The following ARHGAP29 variants were observed in gnomAD, a reference collection of about 807,000 sequenced individuals.
The protein encoded by ARHGAP29 is Rho GTPase activating protein 29.
Under a neutral mutation model 122.6 loss-of-function variants are expected in ARHGAP29, and 43 were observed. That is an observed-to-expected ratio of 0.35 (90% CI 0.27 to 0.45). The LOEUF is 0.45. Among genes scored for constraint, ARHGAP29 ranks in the 20% least tolerant of loss-of-function variants. The pLI is 1.00. For missense variants in ARHGAP29, 1,303 were observed against 1,477.2 expected, an observed-to-expected ratio of 0.88 and a Z score of 1.93; for synonymous variants, 506 against 497.1, an observed-to-expected ratio of 1.02 and a Z score of -0.24.
At position 94,172,395 on chromosome 1, in the gene ARHGAP29, C is replaced by T. The variant is rs981320203; in HGVS notation, c.*1474G>A. On this transcript the variant is annotated 3_prime_UTR_variant, in exon 23 of 23. Coordinates refer to ENST00000260526, the MANE Select transcript of ARHGAP29 (RefSeq NM_004815.4). ...TTGTACAATGAGGACTAAAAACAAG[C>T]CTTCAGAAAAAAAAGGGCTGGTTAT... is the stretch of plus-strand genomic sequence containing the variant. The T allele has an allele frequency of 6.6e-6, 1 of 151,890 alleles. No homozygotes were observed. The highest frequency in any genetic ancestry group is 1.9e-4 in the East Asian group (1 of 5,180). The allele number at this position is 151,890 out of a possible 1,614,324, so 9.4% of individuals were successfully genotyped here.
chr1:94,313,833 G>A, the ARHGAP29 span, among the ~76,000 whole-genome samples: 13 of 152,306 alleles, frequency 8.5e-5, no homozygotes, highest in South Asian at 2.7e-3. Context: ...CAGGGACATG[G>A]ATGAAGCTGG....
chr1:94,239,696 G>A (rs1230623893), upstream of ARHGAP29, among the ~76,000 whole-genome samples: 1 of 151,928 alleles, frequency 6.6e-6, no homozygotes, highest in Non-Finnish European at 1.5e-5. Flanking sequence ...ACTACCCACC[G>A]ATAGAGAAAG....
intron 1 of ARHGAP29, among the ~76,000 whole-genome samples, chr1:94,235,384 T>A (rs1653191181): frequency 6.6e-6 from 1 of 152,184 alleles, no homozygotes. Flanking sequence ...AGACTGCAAC[T>A]GGCAACTTAA....
chr1:94,261,069 C>A (rs1570618430), intron 1 of ARHGAP29, among the ~76,000 whole-genome samples: 1 of 152,234 alleles, frequency 6.6e-6, no homozygotes, highest in East Asian at 1.9e-4. Context: ...GCCATGAAAC[C>A]ACCATCTCCA....
upstream of ARHGAP29, chr1:94,237,636 C>A (rs536312082): frequency 2.0e-6 from 2 of 986,644 alleles, no homozygotes; most frequent in African/African-American, 1.7e-5. Flanking sequence ...GCCCGCCCGC[C>A]AGCCCCGCCC....
chr1:94,208,603 G>A (rs1487815077), intron 5 of ARHGAP29, among the ~76,000 whole-genome samples: 3 of 151,836 alleles, frequency 2.0e-5, no homozygotes, highest in African/African-American at 7.3e-5. Context: ...GGGATTACAG[G>A]TGCCCACCAC....
chr1:94,211,724 C>G (rs779255006), intron 3 of ARHGAP29, among the ~76,000 whole-genome samples: 1 of 152,068 alleles, frequency 6.6e-6, no homozygotes, highest in Non-Finnish European at 1.5e-5. Flanking sequence ...TATTTAGAAA[C>G]TAAATAACAC....
the ARHGAP29 span, among the ~76,000 whole-genome samples, chr1:94,289,875 C>T: frequency 6.6e-6 from 1 of 152,096 alleles, no homozygotes; most frequent in African/African-American, 2.4e-5. Context: ...TTTTTGATGT[C>T]CTGCTGGATT....
At chr1:94,229,712 T>C (rs1652817335) in intron 2 of ARHGAP29, among the ~76,000 whole-genome samples, 3 of 151,636 alleles carry the variant, frequency 2.0e-5, no homozygotes, top group African/African-American at 7.2e-5. Flanking sequence ...CCTCAGGGGG[T>C]AGTCTCTTTC....
upstream of ARHGAP29, among the ~76,000 whole-genome samples, chr1:94,275,503 T>C (rs1655148929): frequency 6.6e-6 from 1 of 152,204 alleles, no homozygotes; most frequent in African/African-American, 2.4e-5. Flanking sequence ...GGATGGATGA[T>C]GCCTGTATGC....
At chr1:94,231,286 GC>G in intron 2 of ARHGAP29, 120 bp downstream of exon 2, 1 of 753,190 alleles carries the variant, frequency 1.3e-6, no homozygotes, top group South Asian at 1.9e-5. Flanking sequence ...GGGGAAAAAA[GC>G]ACTAAAATAA....
chr1:94,235,395 T>C (rs903602386), intron 1 of ARHGAP29, among the ~76,000 whole-genome samples: 1 of 152,206 alleles, frequency 6.6e-6, no homozygotes, highest in African/African-American at 2.4e-5. Flanking sequence ...GGCAACTTAA[T>C]TAGGTAATGA....
intron 15 of ARHGAP29, among the ~76,000 whole-genome samples, chr1:94,188,250 A>T (rs560205009): frequency 3.3e-5 from 5 of 152,294 alleles, no homozygotes; most frequent in Admixed American, 6.5e-5. Context: ...ATCATGAGAT[A>T]ATCTATATTA....
chr1:94,245,552 C>T (rs1317265796), intron 1 of ARHGAP29, among the ~76,000 whole-genome samples: 1 of 152,112 alleles, frequency 6.6e-6, no homozygotes, highest in African/African-American at 2.4e-5. Context: ...AAAAGAATTT[C>T]GTTGCCTAGG....
chr1:94,196,918 A>G (rs1351797533), intron 12 of ARHGAP29, among the ~76,000 whole-genome samples: 2 of 152,198 alleles, frequency 1.3e-5, no homozygotes, highest in Non-Finnish European at 2.9e-5. Context: ...AATTAAATGT[A>G]TCAGAAAAGC....
chr1:94,270,394 G>T (rs892693686), intron 1 of ARHGAP29, among the ~76,000 whole-genome samples: 11 of 152,200 alleles, frequency 7.2e-5, no homozygotes, highest in Admixed American at 1.3e-4. Flanking sequence ...GTGTAACTGT[G>T]CCCTGGCAGA....
intron 2 of ARHGAP29, among the ~76,000 whole-genome samples, chr1:94,229,958 T>C (rs1334722701): frequency 2.0e-5 from 3 of 151,564 alleles, no homozygotes; most frequent in Non-Finnish European, 3.0e-5. Context: ...CAAATAGAAA[T>C]CTTAACTAAA....
intron 19 of ARHGAP29, among the ~76,000 whole-genome samples, chr1:94,182,311 G>C (rs751203566): frequency 1.6e-4 from 25 of 151,904 alleles, no homozygotes; most frequent in Non-Finnish European, 2.8e-4. Flanking sequence ...GAAAAGATAA[G>C]GGAACTAGAG....
intron 2 of ARHGAP29, among the ~76,000 whole-genome samples, chr1:94,222,569 C>T (rs772689118): frequency 1.8e-4 from 28 of 152,000 alleles, no homozygotes; most frequent in Admixed American, 3.3e-4. Context: ...AATCAGTATT[C>T]CTTAAAATAA....
Sources: allele counts gnomAD v4.1 joint callset (sites outside exome capture counted in the v4.1 genomes callset), GRCh38; gene constraint gnomAD v4.1.1; transcripts MANE v1.5; gene names NCBI Gene and HGNC (gene_info 2026-07-23, HGNC 2026-07-21).